The following LNX2 variants were observed in gnomAD, a reference collection of about 807,000 sequenced individuals.
LNX2 encodes ligand of Numb protein X 2.
A neutral mutation model predicts 66.2 loss-of-function variants in LNX2; 35 were observed. The observed-to-expected ratio is 0.53, with a 90% CI of 0.40 to 0.70. The LOEUF (loss-of-function observed/expected upper bound fraction) is 0.70, where lower values mean the gene tolerates loss of function less well. Ranked by LOEUF, LNX2 falls within the 30% of genes least tolerant of loss-of-function variation. The probability of loss-of-function intolerance (pLI) is 0.00; values close to 1 mark genes in which losing one functional copy is unlikely to be tolerated. For missense variants in LNX2, 791 were observed against 850.8 expected, an observed-to-expected ratio of 0.93 and a Z score of 0.87; for synonymous variants, 337 against 315.6, an observed-to-expected ratio of 1.07 and a Z score of -0.72.
chr13:27,607,172 A>G (rs746401655), intron 1 of LNX2, among the ~76,000 whole-genome samples: 5 of 152,240 alleles, frequency 3.3e-5, no homozygotes, highest in Non-Finnish European at 7.4e-5. Flanking sequence ...GTCCAGTGTT[A>G]TAATACATTT....
At chr13:27,556,993 T>A (rs1955069904) in intron 6 of LNX2, among the ~76,000 whole-genome samples, 1 of 152,170 alleles carries the variant, frequency 6.6e-6, no homozygotes, top group South Asian at 2.1e-4. Context: ...TTTGAAAAAG[T>A]TAATGACAGG....
At chr13:27,576,003 A>G (rs1011838735) in intron 2 of LNX2, among the ~76,000 whole-genome samples, 1 of 152,224 alleles carries the variant, frequency 6.6e-6, no homozygotes, top group Non-Finnish European at 1.5e-5. Flanking sequence ...ATTAAATTAC[A>G]TGAATGAAAC....
At position 27,556,316 on chromosome 13, in the gene LNX2, C is replaced by A; in HGVS notation, c.1466G>T (p.Ser489Ile). 1 of 1,614,056 alleles carries A rather than the reference C, an allele frequency of 6.2e-7. No individual in the cohort carries two copies. Among genetic ancestry groups the A allele is most frequent in the East Asian group, 2.2e-5 (1 of 44,874 alleles). ...AAAGATGGGCAGCTCACCACTCTTACTTCCCCTGCCCCCAGCAACGGTCAT... is the reference window on the plus strand; with the variant it reads ...AAAGATGGGCAGCTCACCACTCTTAATTCCCCTGCCCCCAGCAACGGTCAT... The part of the protein sequence containing the change: ...LGMTVAGGRG[S>I]KSGELPIFVT... Residue 489 changes from serine (S) to isoleucine (I), a missense_variant, in exon 7 of 10, where the codon AGT (serine) becomes ATT (isoleucine). Coordinates refer to ENST00000316334, the MANE Select transcript of LNX2 (RefSeq NM_153371.4).
intron 3 of LNX2, 46 bp from the exon 4 acceptor site, chr13:27,567,885 T>A (rs755343799): frequency 6.8e-7 from 1 of 1,479,248 alleles, no homozygotes; most frequent in South Asian, 1.1e-5. Context: ...GTTAAAAAAA[T>A]AAACAAACCC....
At chr13:27,603,636 T>C (rs1682396811) in intron 1 of LNX2, among the ~76,000 whole-genome samples, 1 of 152,172 alleles carries the variant, frequency 6.6e-6, no homozygotes, top group African/African-American at 2.4e-5. Flanking sequence ...CCTGAAGAGA[T>C]AAACAGTTTC....
chr13:27,550,287 C>A, intron 9 of LNX2, 46 bp downstream of exon 9: 1 of 1,550,522 alleles, frequency 6.4e-7, no homozygotes, highest in African/African-American at 1.4e-5. Context: ...AGATCATGTC[C>A]AATGTCATCA....
At chr13:27,611,165 T>C (rs1192090399) in intron 1 of LNX2, among the ~76,000 whole-genome samples, 1 of 152,370 alleles carries the variant, frequency 6.6e-6, no homozygotes, top group East Asian at 1.9e-4. Context: ...CTCATGCTTA[T>C]GGCAGCACTA....
At chr13:27,609,376 G>A (rs1384355555) in intron 1 of LNX2, among the ~76,000 whole-genome samples, 2 of 151,812 alleles carry the variant, frequency 1.3e-5, no homozygotes, top group South Asian at 2.1e-4. Context: ...GGCTGGTCTC[G>A]AACTCCTGAC....
chr13:27,549,845 G>A (rs547367422), intron 9 of LNX2, among the ~76,000 whole-genome samples: 6 of 152,304 alleles, frequency 3.9e-5, no homozygotes, highest in Non-Finnish European at 8.8e-5. Context: ...ACGATCTCAG[G>A]TAGAGATGAG....
At chr13:27,613,007 C>T (rs1018906558) in intron 1 of LNX2, among the ~76,000 whole-genome samples, 4 of 152,108 alleles carry the variant, frequency 2.6e-5, no homozygotes, top group African/African-American at 9.7e-5. Context: ...GCTAAACAAA[C>T]GTTTACAAAT....
At chr13:27,603,446 C>A (rs982191418) in intron 1 of LNX2, among the ~76,000 whole-genome samples, 1 of 152,166 alleles carries the variant, frequency 6.6e-6, no homozygotes, top group African/African-American at 2.4e-5. Flanking sequence ...AAAAGCAGCA[C>A]AACTGTCCCA....
intron 7 of LNX2, among the ~76,000 whole-genome samples, chr13:27,555,188 A>T (rs937408795): frequency 1.3e-5 from 2 of 152,136 alleles, no homozygotes; most frequent in Non-Finnish European, 2.9e-5. Flanking sequence ...GGCTCAAGCG[A>T]TCCACCTGCC....
intron 8 of LNX2, among the ~76,000 whole-genome samples, chr13:27,551,885 T>C (rs1423918914): frequency 6.6e-6 from 1 of 152,154 alleles, no homozygotes; most frequent in Admixed American, 6.5e-5. Context: ...AATCTCCCTT[T>C]TCACGAAAAG....
chr13:27,562,822 A>AT (rs1955153907), intron 4 of LNX2, 41 bp from the exon 5 acceptor site: 1 of 1,560,958 alleles, frequency 6.4e-7, no homozygotes, highest in Non-Finnish European at 8.7e-7. Context: ...ACAACCTTTT[A>AT]TTTTTCCAAT....
At chr13:27,567,945 T>C in intron 3 of LNX2, 106 bp from the exon 4 acceptor site, 2 of 857,788 alleles carry the variant, frequency 2.3e-6, no homozygotes, top group Admixed American at 2.0e-5. Flanking sequence ...CATTAATACA[T>C]GATTAACAGC....
At chr13:27,603,243 C>CA (rs1404473294) in intron 1 of LNX2, among the ~76,000 whole-genome samples, 2 of 152,144 alleles carry the variant, frequency 1.3e-5, no homozygotes, top group African/African-American at 4.8e-5. Flanking sequence ...AGAACACTGT[C>CA]AATGTCTCTC....
chr13:27,620,604 C>G (rs1955893178), upstream of LNX2: 1 of 155,506 alleles, frequency 6.4e-6, no homozygotes, highest in Admixed American at 6.5e-5. Flanking sequence ...GCGCCAAGGC[C>G]GAGCGGCCCA....
At chr13:27,571,889 C>A (rs543342375) in intron 2 of LNX2, among the ~76,000 whole-genome samples, 2 of 152,222 alleles carry the variant, frequency 1.3e-5, no homozygotes, top group East Asian at 3.9e-4. Flanking sequence ...TACGTAACAA[C>A]CTTTATATAC....
At chr13:27,616,193 G>T (rs7333271) in intron 1 of LNX2, among the ~76,000 whole-genome samples, 203 of 150,588 alleles carry the variant, frequency 1.3e-3, no homozygotes, top group African/African-American at 4.4e-3. Context: ...GGGTTGGGGG[G>T]GGTAGCAGGG....
Sources: allele counts gnomAD v4.1 joint callset (sites outside exome capture counted in the v4.1 genomes callset), GRCh38; gene constraint gnomAD v4.1.1; transcripts MANE v1.5; gene names NCBI Gene and HGNC (gene_info 2026-07-23, HGNC 2026-07-21).